The following CDC14B variants were observed in gnomAD, a reference collection of about 807,000 sequenced individuals.
The protein encoded by CDC14B is cell division cycle 14B, also known as dual specificity protein phosphatase CDC14B.
In CDC14B, 22 loss-of-function variants were observed where a neutral mutation model predicts 64.2. The observed-to-expected ratio is 0.34, with a 90% CI of 0.24 to 0.49. CDC14B has a LOEUF of 0.49. Among genes scored for constraint, CDC14B ranks in the 20% least tolerant of loss-of-function variants. The probability of loss-of-function intolerance (pLI) is 0.99; values close to 1 mark genes in which losing one functional copy is unlikely to be tolerated. For synonymous variants in CDC14B, 191 were observed against 215.8 expected (o/e 0.89, Z 1.01); for missense variants, 498 against 629.9 (o/e 0.79, Z 2.24).
intron 1 of CDC14B, among the ~76,000 whole-genome samples, chr9:96,580,453 A>G (rs1845079059): frequency 6.6e-6 from 1 of 152,152 alleles, no homozygotes; most frequent in Non-Finnish European, 1.5e-5. Flanking sequence ...CTTGTCTTGA[A>G]TTCCCCACCT....
At chr9:96,593,304 T>C (rs533133776) in intron 1 of CDC14B, among the ~76,000 whole-genome samples, 176 of 152,122 alleles carry the variant, frequency 1.2e-3, no homozygotes, top group African/African-American at 4.0e-3. Context: ...CTGGCCAAGA[T>C]GGTGAAACCC....
intron 12 of CDC14B, among the ~76,000 whole-genome samples, chr9:96,521,403 A>G (rs934393246): frequency 1.3e-5 from 2 of 152,208 alleles, no homozygotes; most frequent in African/African-American, 4.8e-5. Flanking sequence ...TTAAAAAAGT[A>G]TAGTTGACTA....
intron 11 of CDC14B, 128 bp downstream of exon 11, chr9:96,523,132 TA>T: frequency 9.9e-7 from 1 of 1,014,206 alleles, no homozygotes; most frequent in Non-Finnish European, 1.5e-6. Context: ...GAGAGGGTTA[TA>T]AATATAAAAA....
At chr9:96,510,346 G>A (rs987973033) in intron 12 of CDC14B, among the ~76,000 whole-genome samples, 16 of 152,072 alleles carry the variant, frequency 1.1e-4, no homozygotes, top group African/African-American at 1.7e-4. Context: ...AAATCTCCAA[G>A]TGCCACTAAA....
chr9:96,579,662 G>GGA (rs1845023893), intron 1 of CDC14B, among the ~76,000 whole-genome samples: 1 of 152,064 alleles, frequency 6.6e-6, no homozygotes, highest in Non-Finnish European at 1.5e-5. Context: ...GGAGGTACAG[G>GGA]GAGAAGGCGG....
At chr9:96,526,662 C>T (rs1053199066) in intron 9 of CDC14B, among the ~76,000 whole-genome samples, 4 of 152,198 alleles carry the variant, frequency 2.6e-5, no homozygotes, top group African/African-American at 9.6e-5. Context: ...AACAAAGATG[C>T]AATCAAATAA....
At chr9:96,579,214 G>A (rs1017916525) in intron 1 of CDC14B, among the ~76,000 whole-genome samples, 2 of 152,144 alleles carry the variant, frequency 1.3e-5, no homozygotes, top group African/African-American at 4.8e-5. Flanking sequence ...GACCCCCAAC[G>A]TGACTACAGG....
At chr9:96,580,668 G>C (rs1402497398) in intron 1 of CDC14B, among the ~76,000 whole-genome samples, 4 of 152,106 alleles carry the variant, frequency 2.6e-5, no homozygotes, top group African/African-American at 9.7e-5. Flanking sequence ...GAGAAATACT[G>C]GCATAGGAGT....
At position 96,509,609 on chromosome 9, in the gene CDC14B, T is replaced by C. The variant is rs1251276382; in HGVS notation, c.1460+64A>G. The C allele has an allele frequency of 5.3e-6, 5 of 940,376 alleles. No homozygotes were observed. In the African/African-American group the frequency reaches 8.1e-5, roughly 15 times the overall value. The allele number at this position is 940,376 out of a possible 1,614,324, so 58.3% of individuals were successfully genotyped here. On this transcript the variant is annotated intron_variant, in intron 13 of 13. Transcript: ENST00000375241. ...TTCATGTCAGTCTCCAGAGGTAGGG[T>C]CCAAATATTAAACTGGAAAACAAAC... is the stretch of plus-strand genomic sequence containing the variant.
intron 12 of CDC14B, among the ~76,000 whole-genome samples, chr9:96,513,308 TG>T (rs1453425906): frequency 6.6e-6 from 1 of 152,184 alleles, no homozygotes; most frequent in African/African-American, 2.4e-5. Context: ...AAATCGGGGT[TG>T]GGGGAGAACT....
chr9:96,542,326 T>G (rs973056105), intron 5 of CDC14B, among the ~76,000 whole-genome samples: 2 of 151,834 alleles, frequency 1.3e-5, no homozygotes, highest in African/African-American at 4.9e-5. Flanking sequence ...TGTGTATGTG[T>G]GTCTATTTAT....
In CDC14B at chr9:96,553,318, T is replaced by C. The variant is rs556900325; in HGVS notation, c.421-1446A>G. Among the ~76,000 whole-genome samples, 21 of 152,144 alleles carry C rather than the reference T, an allele frequency of 1.4e-4. No homozygotes were observed. In the South Asian group the frequency reaches 3.9e-3, roughly 29 times the overall value. ...GACTCAAGACTCATAAACGGAAAAT[T>C]TTCCCAATGACTGGCCTGTTTCTGT... On this transcript the variant is annotated intron_variant, in intron 4 of 13. Transcript: ENST00000375241.
intron 5 of CDC14B, among the ~76,000 whole-genome samples, chr9:96,545,820 A>T (rs886086016): frequency 1.3e-5 from 2 of 151,924 alleles, no homozygotes; most frequent in African/African-American, 4.8e-5. Flanking sequence ...CATACATCAT[A>T]GAATCTGAAT....
chr9:96,553,659 C>A (rs1321412031), intron 4 of CDC14B, among the ~76,000 whole-genome samples: 4 of 151,870 alleles, frequency 2.6e-5, no homozygotes, highest in Non-Finnish European at 5.9e-5. Flanking sequence ...CCATGTCCGG[C>A]CTACACACAG....
At chr9:96,607,353 A>C in intron 1 of CDC14B, among the ~76,000 whole-genome samples, 1 of 127,844 alleles carries the variant, frequency 7.8e-6, no homozygotes, top group Admixed American at 7.9e-5. Flanking sequence ...ATTTCATTAA[A>C]TTTTTTTTTT....
At chr9:96,582,994 T>C (rs1032991846) in intron 1 of CDC14B, among the ~76,000 whole-genome samples, 63 of 152,294 alleles carry the variant, frequency 4.1e-4, no homozygotes, top group Admixed American at 3.7e-3. Context: ...TGGCAGTTGC[T>C]CTAATCAGAA....
chr9:96,598,188 A>G (rs1357882478), intron 1 of CDC14B, among the ~76,000 whole-genome samples: 1 of 152,254 alleles, frequency 6.6e-6, no homozygotes, highest in African/African-American at 2.4e-5. Context: ...AAATGTGCAA[A>G]GAATATTTAT....
rs1240243558 is a variant in CDC14B, at chr9:96,523,992, A to G, written c.947-267T>C. 4.6e-5 allele frequency among the ~76,000 whole-genome samples: 7 copies of G among 152,330 alleles called. 1 individual carries two copies. The South Asian group carries it at 8.3e-4, about 18-fold the overall frequency. ...TCTGTTGCCCAGCAGGCTGGAGTGCAATGATGCAATCTCAGCTCACTGCAA... is the reference window on the plus strand; with the variant it reads ...TCTGTTGCCCAGCAGGCTGGAGTGCGATGATGCAATCTCAGCTCACTGCAA... On this transcript the variant is annotated intron_variant, in intron 9 of 13. Coordinates refer to ENST00000375241, the MANE Select transcript of CDC14B (RefSeq NM_033331.4).
chr9:96,507,480 A>G (rs1429933313), intron 13 of CDC14B, among the ~76,000 whole-genome samples: 1 of 151,004 alleles, frequency 6.6e-6, no homozygotes, highest in African/African-American at 2.4e-5. Context: ...CAATGGCGCG[A>G]TCTCAGCTCA....
Sources: gnomAD v4.1 joint callset for allele counts (sites outside exome capture counted in the v4.1 genomes callset) on GRCh38, gnomAD v4.1.1 for gene constraint, MANE v1.5 for transcripts, NCBI Gene and HGNC (gene_info 2026-07-23, HGNC 2026-07-21) for gene names.